Variants in ASTN2 observed in about 807,000 individuals in gnomAD.
ASTN2 encodes astrotactin 2, also known as astrotactin-2.
Under a neutral mutation model 139.8 loss-of-function variants are expected in ASTN2, and 54 were observed. The ratio of observed to expected loss-of-function variants is 0.39; its 90% confidence interval spans 0.31 to 0.48. The LOEUF is 0.48. Ranked by LOEUF, ASTN2 falls within the 20% of genes least tolerant of loss-of-function variation. The pLI, the probability that ASTN2 is intolerant of heterozygous loss-of-function variation, is 0.95. For missense variants in ASTN2, 1,565 were observed against 1,725.1 expected, an observed-to-expected ratio of 0.91 and a Z score of 1.64; for synonymous variants, 756 against 719.5, an observed-to-expected ratio of 1.05 and a Z score of -0.81.
chr9:117,179,562 CTCT>C (rs1312919798), intron 3 of ASTN2, among the ~76,000 whole-genome samples: 1 of 152,148 alleles, frequency 6.6e-6, no homozygotes. Flanking sequence ...AAGGAAGTCT[CTCT>C]TCTTCCTCTT....
At chr9:117,189,014 CCTCCTGT>C (rs1469019190) in intron 3 of ASTN2, among the ~76,000 whole-genome samples, 4 of 152,110 alleles carry the variant, frequency 2.6e-5, no homozygotes, top group Non-Finnish European at 5.9e-5. Context: ...TCTAGTGTCC[CCTCCTGT>C]CCCCACCTGG....
intron 17 of ASTN2, among the ~76,000 whole-genome samples, chr9:116,641,096 C>G (rs1291287241): frequency 6.6e-6 from 1 of 152,136 alleles, no homozygotes; most frequent in African/African-American, 2.4e-5. Context: ...GTACAGTGGT[C>G]TGCAAGGGTT....
chr9:117,112,914 A>G (rs1829285173), intron 4 of ASTN2, among the ~76,000 whole-genome samples: 1 of 152,206 alleles, frequency 6.6e-6, no homozygotes, highest in Non-Finnish European at 1.5e-5. Context: ...ACAAGGAGAT[A>G]AGCAAATACA....
At chr9:117,311,148 G>A (rs773442749) in intron 1 of ASTN2, among the ~76,000 whole-genome samples, 3 of 150,222 alleles carry the variant, frequency 2.0e-5, no homozygotes, top group Non-Finnish European at 4.4e-5. Flanking sequence ...GCTGCTCCAA[G>A]CTTAATTGAG....
intron 1 of ASTN2, among the ~76,000 whole-genome samples, chr9:117,302,877 G>T (rs1339925): frequency 6.6e-6 from 1 of 152,246 alleles, no homozygotes; most frequent in East Asian, 1.9e-4. Context: ...AGGGTCAGAC[G>T]CTGGCCTAAA....
chr9:116,529,418 T>C (rs766611659), intron 19 of ASTN2, among the ~76,000 whole-genome samples: 6 of 152,162 alleles, frequency 3.9e-5, no homozygotes, highest in Non-Finnish European at 8.8e-5. Flanking sequence ...TGTATCCCCA[T>C]TGTATCTTAG....
intron 1 of ASTN2, among the ~76,000 whole-genome samples, chr9:117,355,391 T>C (rs1372303077): frequency 6.6e-6 from 1 of 152,200 alleles, no homozygotes; most frequent in African/African-American, 2.4e-5. Context: ...TTACCTAGTA[T>C]TTTCAAGCAT....
chr9:117,399,301 T>C (rs1264985033), intron 1 of ASTN2, among the ~76,000 whole-genome samples: 1 of 152,198 alleles, frequency 6.6e-6, no homozygotes, highest in Non-Finnish European at 1.5e-5. Flanking sequence ...GAAAGTCATC[T>C]TAGAAGGAGT....
At chr9:117,409,814 CCT>C (rs1439419978) in intron 1 of ASTN2, among the ~76,000 whole-genome samples, 2 of 152,144 alleles carry the variant, frequency 1.3e-5, no homozygotes, top group African/African-American at 4.8e-5. Context: ...CTTCTCCAGC[CCT>C]CTGTGGCTAA....
intron 10 of ASTN2, among the ~76,000 whole-genome samples, chr9:116,906,028 T>A (rs1483341108): frequency 6.6e-6 from 1 of 151,998 alleles, no homozygotes; most frequent in East Asian, 1.9e-4. Context: ...AGGTTCCTGT[T>A]CTCCACTGAC....
At chr9:117,319,242 C>T (rs961083206) in intron 1 of ASTN2, among the ~76,000 whole-genome samples, 1 of 152,118 alleles carries the variant, frequency 6.6e-6, no homozygotes, top group Non-Finnish European at 1.5e-5. Context: ...AATGAATGCT[C>T]ACCTCTATTT....
intron 5 of ASTN2, 45 bp downstream of exon 5, chr9:117,095,999 C>T (rs1172807030): frequency 6.4e-7 from 1 of 1,556,320 alleles, no homozygotes; most frequent in Non-Finnish European, 8.9e-7. Context: ...TCCAGGATTT[C>T]CTTCTACAAA....
intron 2 of ASTN2, among the ~76,000 whole-genome samples, chr9:117,226,155 G>A (rs1476670129): frequency 2.0e-5 from 3 of 152,190 alleles, no homozygotes; most frequent in Non-Finnish European, 4.4e-5. Flanking sequence ...TCAAAGGTGT[G>A]AAGAACATGC....
chr9:116,841,116 T>A (rs1357676143), intron 11 of ASTN2, among the ~76,000 whole-genome samples: 1 of 152,238 alleles, frequency 6.6e-6, no homozygotes, highest in African/African-American at 2.4e-5. Context: ...AGACTCCGTC[T>A]GCAATCCCGG....
At chr9:116,922,022 A>G (rs1023728719) in intron 10 of ASTN2, among the ~76,000 whole-genome samples, 1 of 152,142 alleles carries the variant, frequency 6.6e-6, no homozygotes, top group African/African-American at 2.4e-5. Context: ...CCATATCACC[A>G]TCTCCTACTT....
At chr9:116,748,976 C>G (rs920993826) in intron 13 of ASTN2, among the ~76,000 whole-genome samples, 1 of 152,190 alleles carries the variant, frequency 6.6e-6, no homozygotes, top group Non-Finnish European at 1.5e-5. Flanking sequence ...TCTTCTCTCT[C>G]ACCTTTTTGG....
At chr9:117,351,607 T>C (rs1829390765) in intron 1 of ASTN2, among the ~76,000 whole-genome samples, 1 of 152,152 alleles carries the variant, frequency 6.6e-6, no homozygotes, top group African/African-American at 2.4e-5. Context: ...TTTCTCTCTA[T>C]ACAAAATGAA....
Position 116,680,112 on chromosome 9 carries a change from T to C in ASTN2, c.2807-28319A>G, listed in dbSNP as rs184772994. ...TGGTTTTTTGAAAGGATCAACAAAA[T>C]TGATAGACCACTAGCAAGACTCATA... is the stretch of plus-strand genomic sequence containing the variant. On this transcript the variant is annotated intron_variant, in intron 16 of 22. Coordinates refer to ENST00000313400, the MANE Select transcript of ASTN2 (RefSeq NM_001365068.1). Among the ~76,000 whole-genome samples, 1,084 of 151,978 alleles carry C rather than the reference T, an allele frequency of 7.1e-3. 9 individuals carry two copies. The highest frequency in any genetic ancestry group is 0.021 in the African/African-American group (865 of 41,412).
At chr9:116,851,499 T>TATCC (rs1006539487) in intron 11 of ASTN2, among the ~76,000 whole-genome samples, 10 of 151,890 alleles carry the variant, frequency 6.6e-5, no homozygotes, top group African/African-American at 2.2e-4. Flanking sequence ...TCTATCTATC[T>TATCC]ATCTATCTAT....
Sources: allele counts gnomAD v4.1 joint callset (sites outside exome capture counted in the v4.1 genomes callset), GRCh38; gene constraint gnomAD v4.1.1; transcripts MANE v1.5; gene names NCBI Gene and HGNC (gene_info 2026-07-23, HGNC 2026-07-21).